INPP5F: variants seen among roughly 807,000 people sequenced by gnomAD.
INPP5F encodes the protein inositol polyphosphate-5-phosphatase F.
Under a neutral mutation model 137.2 loss-of-function variants are expected in INPP5F, and 97 were observed. The ratio of observed to expected loss-of-function variants is 0.71; its 90% CI spans 0.60 to 0.84. The LOEUF is 0.84. Among genes scored for constraint, INPP5F ranks in the 40% least tolerant of loss-of-function variants. The pLI is 0.00. For synonymous variants in INPP5F, 504 were observed against 476.9 expected, an observed-to-expected ratio of 1.06 and a Z score of -0.74; for missense variants, 1,271 against 1,371.9, an observed-to-expected ratio of 0.93 and a Z score of 1.16.
chr10:119,823,752 G>A, intron 18 of INPP5F, 63 bp from the exon 19 acceptor site: 1 of 1,272,532 alleles, frequency 7.9e-7, no homozygotes, highest in Non-Finnish European at 1.1e-6. Flanking sequence ...AAATGGGTTA[G>A]AACTGCTATT....
At chr10:119,746,767 A>G (rs184669367) in intron 1 of INPP5F, among the ~76,000 whole-genome samples, 102 of 152,104 alleles carry the variant, frequency 6.7e-4, no homozygotes, top group African/African-American at 2.1e-3. Flanking sequence ...AGATGACATG[A>G]CATATAAGCA....
In INPP5F at chr10:119,743,689, G is replaced by A. The variant is rs943702904; in HGVS notation, c.98-7387G>A. Among the ~76,000 whole-genome samples, 27 of 152,152 alleles carry A rather than the reference G, an allele frequency of 1.8e-4. 1 individual carries two copies. Among genetic ancestry groups the A allele is most frequent in the Admixed American group, 1.7e-3 (26 of 15,278 alleles). ...GGGGGGATGGAAAGGACTAGCCTAT[G>A]CAGGGTCTCACAAGCCTTTCCAAGG... On this transcript the variant is annotated intron_variant, in intron 1 of 19. Transcript: ENST00000650623.
At chr10:119,750,638 G>T (rs1040524401) in intron 1 of INPP5F, among the ~76,000 whole-genome samples, 36 of 152,218 alleles carry the variant, frequency 2.4e-4, no homozygotes, top group Admixed American at 2.4e-3. Flanking sequence ...GGATTTCTTT[G>T]TTTGGTATAA....
chr10:119,807,708 T>A (rs770721631), intron 12 of INPP5F, among the ~76,000 whole-genome samples: 5 of 152,222 alleles, frequency 3.3e-5, no homozygotes, highest in Non-Finnish European at 7.3e-5. Flanking sequence ...CATTAAAAAT[T>A]GTACCAAAAC....
chr10:119,828,314 A>T lies in INPP5F; in HGVS notation c.*534A>T, dbSNP rs942951712. 1.3e-5 allele frequency: 2 copies of T among 153,000 alleles called. No homozygotes were observed. Among genetic ancestry groups the T allele is most frequent in the Admixed American group, 6.5e-5 (1 of 15,368 alleles). The allele number at this position is 153,000 out of a possible 1,614,324, so 9.5% of individuals were successfully genotyped here. On this transcript the variant is annotated 3_prime_UTR_variant, in exon 20 of 20. Transcript: ENST00000650623. The stretch of plus-strand genomic sequence containing the variant: ...AGGAGTTGAGGGTTATTGACACTAG[A>T]GAAATGAATTCTCATTTGATCCTAA...
intron 2 of INPP5F, among the ~76,000 whole-genome samples, chr10:119,751,985 A>G (rs1213873026): frequency 6.6e-6 from 1 of 152,176 alleles, no homozygotes; most frequent in Non-Finnish European, 1.5e-5. Flanking sequence ...TTTGGTATCA[A>G]TTTTGATGAG....
chr10:119,761,543 A>T (rs1849009098), intron 2 of INPP5F, among the ~76,000 whole-genome samples: 1 of 148,816 alleles, frequency 6.7e-6, no homozygotes, highest in African/African-American at 2.5e-5. Flanking sequence ...ATGGTGCTCT[A>T]CTTCCATTAG....
At chr10:119,823,522 T>C (rs1851643019) in intron 18 of INPP5F, among the ~76,000 whole-genome samples, 1 of 152,246 alleles carries the variant, frequency 6.6e-6, no homozygotes, top group Admixed American at 6.5e-5. Context: ...CATGCCTGTC[T>C]CATTCATGGC....
At chr10:119,817,670 C>T (rs941560537) in intron 15 of INPP5F, among the ~76,000 whole-genome samples, 2 of 151,904 alleles carry the variant, frequency 1.3e-5, no homozygotes, top group African/African-American at 4.8e-5. Flanking sequence ...AAACGCTTTG[C>T]CAAGTTTTTA....
intron 15 of INPP5F, chr10:119,819,680 T>TC (rs2134288542): frequency 4.1e-6 from 2 of 492,812 alleles, no homozygotes; most frequent in Non-Finnish European, 7.0e-6. Flanking sequence ...ATCTGTGTGT[T>TC]CCCGGTCTTG....
In INPP5F at chr10:119,820,723, CCTT is replaced by C. The variant is rs1851526757; in HGVS notation, c.1887-116_1887-114del. On this transcript the variant is annotated intron_variant, in intron 15 of 19. Transcript: ENST00000650623. ...TAACTGCAGTAGAACTCATTGATTA[CCTT>C]CTTCTTTTCCCTCCCCCTGGCCAAT... 5.8e-6 allele frequency: 4 copies of C among 695,640 alleles called. No individual in the cohort carries two copies. The East Asian group carries it at 7.8e-5, about 14-fold the overall frequency. 43.1% of individuals were successfully genotyped at this position (695,640 alleles called of 1,614,324 possible).
At chr10:119,760,415 C>T (rs1010528376) in intron 2 of INPP5F, among the ~76,000 whole-genome samples, 24 of 152,150 alleles carry the variant, frequency 1.6e-4, no homozygotes, top group African/African-American at 5.5e-4. Flanking sequence ...ATAGACACTG[C>T]ACTCCAGCCT....
chr10:119,755,588 C>T (rs1848816346), intron 2 of INPP5F, among the ~76,000 whole-genome samples: 1 of 152,134 alleles, frequency 6.6e-6, no homozygotes, highest in Non-Finnish European at 1.5e-5. Context: ...CACCAAAATG[C>T]TTCATTACAA....
At chr10:119,783,640 A>T (rs183617401) in intron 3 of INPP5F, among the ~76,000 whole-genome samples, 5 of 152,340 alleles carry the variant, frequency 3.3e-5, no homozygotes, top group South Asian at 2.1e-4. Flanking sequence ...TAACATTTAC[A>T]TGGAGTCTTT....
rs1305860527 is a variant in INPP5F at position 119,811,870 on chromosome 10, C to G, written c.1801C>G (p.Gln601Glu). The G allele has an allele frequency of 6.2e-7, 1 of 1,614,092 alleles. No individual in the cohort carries two copies. Reference sequence around the variant, plus strand: ...GAGAAGCCACCAGGAACTAATTAGCCAGCTCTTACAAAGTTACATGAAGTT... The same window carrying G: ...GAGAAGCCACCAGGAACTAATTAGCGAGCTCTTACAAAGTTACATGAAGTT... ...NQRSHQELIS[Q>E]LLQSYMKLLL... The change falls in exon 15 of 20, where the codon CAG (glutamine) becomes GAG (glutamate). Residue 601 changes from glutamine (Q) to glutamate (E), a missense_variant. By Grantham distance (29) the Gln-to-Glu change is conservative. Around this residue, in one of 6 missense-constraint regions of INPP5F, gnomAD observed 593 missense variants for 712.4 expected, o/e 0.83. Coordinates refer to ENST00000650623, the MANE Select transcript of INPP5F (RefSeq NM_014937.4).
chr10:119,742,447 C>T (rs550898194), intron 1 of INPP5F, among the ~76,000 whole-genome samples: 6 of 152,308 alleles, frequency 3.9e-5, no homozygotes, highest in African/African-American at 9.6e-5. Context: ...TGAGGCACTG[C>T]GCCTGGCCAG....
At chr10:119,733,088 T>C (rs895180637) in intron 1 of INPP5F, among the ~76,000 whole-genome samples, 1 of 152,238 alleles carries the variant, frequency 6.6e-6, no homozygotes, top group Non-Finnish European at 1.5e-5. Context: ...TGATAGGATT[T>C]ATATTTTCAT....
At chr10:119,726,650 A>AG (rs985604053) in intron 1 of INPP5F, among the ~76,000 whole-genome samples, 15 of 152,086 alleles carry the variant, frequency 9.9e-5, no homozygotes, top group African/African-American at 3.1e-4. Flanking sequence ...GGCCGAGGGG[A>AG]GGGGGTCCCC....
At position 119,804,220 on chromosome 10, in the gene INPP5F, C is replaced by T. The variant is rs1309881916; in HGVS notation, c.1164C>T (p.Gly388=). The T allele has an allele frequency of 7.5e-6, 12 of 1,610,662 alleles. No individual in the cohort carries two copies. Among genetic ancestry groups the T allele is most frequent in the Admixed American group, 3.4e-5 (2 of 59,656 alleles). The change falls in exon 10 of 20, where the codon GGC becomes GGT. Residue 388 remains glycine, a synonymous_variant. Transcript: ENST00000650623. ...AGGCAGGAAGAGAGAAGATTATTGGCGATGCTTACCTGAAGCAAGTGTTGC... is the reference window on the plus strand; with the variant it reads ...AGGCAGGAAGAGAGAAGATTATTGGTGATGCTTACCTGAAGCAAGTGTTGC... ...VDQAGREKII[G]DAYLKQVLLF... is the part of the protein sequence containing the mutation.
Sources: gnomAD v4.1 joint callset for allele counts (sites outside exome capture counted in the v4.1 genomes callset) on GRCh38, gnomAD v4.1.1 for gene constraint, gnomAD v4.1.1 regional missense constraint, MANE v1.5 for transcripts, NCBI Gene and HGNC (gene_info 2026-07-23, HGNC 2026-07-21) for gene names.